The following TBC1D2B variants were observed in gnomAD, a reference collection of about 807,000 sequenced individuals.
TBC1D2B encodes the protein TBC1 domain family member 2B.
In TBC1D2B, 64 loss-of-function variants were observed where a neutral mutation model predicts 100.8. That is an observed-to-expected ratio of 0.64 (90% CI 0.52 to 0.78). TBC1D2B has a LOEUF of 0.78. Ranked by LOEUF, TBC1D2B falls within the 30% of genes least tolerant of loss-of-function variation. The probability of loss-of-function intolerance (pLI) is 0.00; values close to 1 mark genes in which losing one functional copy is unlikely to be tolerated. For missense variants in TBC1D2B, 1,052 were observed against 1,218.4 expected (o/e 0.86, Z 2.03); for synonymous variants, 480 against 479.7 (o/e 1.00, Z -0.01).
At chr15:78,054,215 T>C (rs936250941) in intron 1 of TBC1D2B, 28 bp from the exon 2 acceptor site, 1 of 1,604,354 alleles carries the variant, frequency 6.2e-7, no homozygotes, top group Non-Finnish European at 8.5e-7. Flanking sequence ...AAAAACATGT[T>C]ATGGCCACCA....
At chr15:78,044,837 T>C in intron 3 of TBC1D2B, 63 bp downstream of exon 3, 1 of 1,383,550 alleles carries the variant, frequency 7.2e-7, no homozygotes, top group Non-Finnish European at 9.8e-7. Flanking sequence ...TTTATAAAAT[T>C]ATAACATACA....
At chr15:77,999,891 C>T (rs554742903) in intron 12 of TBC1D2B, among the ~76,000 whole-genome samples, 1 of 152,294 alleles carries the variant, frequency 6.6e-6, no homozygotes, top group South Asian at 2.1e-4. Context: ...CGATGCTCAG[C>T]GCCTTAAAAG....
intron 1 of TBC1D2B, among the ~76,000 whole-genome samples, chr15:78,055,530 G>C (rs968719838): frequency 6.6e-6 from 1 of 152,168 alleles, no homozygotes; most frequent in Non-Finnish European, 1.5e-5. Context: ...AAGATCAGAG[G>C]CAGTGAAGAA....
At chr15:78,058,117 A>C (rs569494374) in intron 1 of TBC1D2B, among the ~76,000 whole-genome samples, 20 of 152,366 alleles carry the variant, frequency 1.3e-4, no homozygotes, top group African/African-American at 4.8e-4. Context: ...GATAGTATTA[A>C]AATTAATTTT....
Position 77,998,366 on chromosome 15 carries a change from G to A in TBC1D2B, c.2697-11C>T, listed in dbSNP as rs961498588. The A allele has an allele frequency of 1.2e-5, 18 of 1,558,554 alleles. No individual in the cohort carries two copies. The highest frequency in any genetic ancestry group is 3.9e-5 in the Admixed American group (2 of 51,606). ...ATACTGATCAGCTTCCTGGCAGGAC[G>A]CAGGGGAGAGACAAGAGAATCAGCG... On this transcript the variant is annotated splice_polypyrimidine_tract_variant and intron_variant, in intron 12 of 12. Coordinates refer to ENST00000300584, the MANE Select transcript of TBC1D2B (RefSeq NM_144572.2).
At chr15:78,076,128 GTGGGCCCC>G (rs1183949097) in intron 1 of TBC1D2B, among the ~76,000 whole-genome samples, 1 of 152,068 alleles carries the variant, frequency 6.6e-6, no homozygotes, top group Non-Finnish European at 1.5e-5. Flanking sequence ...CTCAAAGCAG[GTGGGCCCC>G]TAGGAGGTGA....
At chr15:78,018,034 C>T in intron 6 of TBC1D2B, 77 bp from the exon 7 acceptor site, 2 of 731,956 alleles carry the variant, frequency 2.7e-6, no homozygotes, top group Non-Finnish European at 4.4e-6. Flanking sequence ...TAGTCAGTAG[C>T]TTGCTGCTTC....
At chr15:78,007,379 T>C (rs2072095500) in intron 10 of TBC1D2B, among the ~76,000 whole-genome samples, 1 of 152,132 alleles carries the variant, frequency 6.6e-6, no homozygotes, top group Non-Finnish European at 1.5e-5. Flanking sequence ...GTGGCCCCAC[T>C]GTGGTGAAAG....
At chr15:78,042,258 C>G (rs2141762788) in intron 3 of TBC1D2B, among the ~76,000 whole-genome samples, 1 of 152,316 alleles carries the variant, frequency 6.6e-6, no homozygotes, top group South Asian at 2.1e-4. Context: ...CCACCTCATT[C>G]CATTATCTCA....
chr15:78,050,591 C>A (rs1384500695), intron 2 of TBC1D2B, among the ~76,000 whole-genome samples: 1 of 152,204 alleles, frequency 6.6e-6, no homozygotes, highest in Non-Finnish European at 1.5e-5. Flanking sequence ...TTTATAGACA[C>A]CTGATTGTAT....
At chr15:78,073,747 G>A (rs1177053111) in intron 1 of TBC1D2B, among the ~76,000 whole-genome samples, 1 of 152,066 alleles carries the variant, frequency 6.6e-6, no homozygotes. Context: ...AGAGGCAGGT[G>A]GATCACGAGG....
At chr15:78,015,162 C>T (rs1169825431) in intron 8 of TBC1D2B, among the ~76,000 whole-genome samples, 1 of 152,028 alleles carries the variant, frequency 6.6e-6, no homozygotes, top group African/African-American at 2.4e-5. Context: ...GATTGTGCCA[C>T]TGTACTCCAG....
chr15:78,061,278 T>C (rs2073539168), intron 1 of TBC1D2B, among the ~76,000 whole-genome samples: 2 of 150,288 alleles, frequency 1.3e-5, no homozygotes, highest in African/African-American at 4.9e-5. Context: ...CTCTTAAAAA[T>C]ATAATAATAA....
chr15:78,063,931 A>G (rs2073602608), intron 1 of TBC1D2B, among the ~76,000 whole-genome samples: 1 of 151,924 alleles, frequency 6.6e-6, no homozygotes, highest in African/African-American at 2.4e-5. Context: ...CCTCTGCAAC[A>G]GCTTCCTAAC....
At chr15:78,056,771 G>A (rs1235562897) in intron 1 of TBC1D2B, among the ~76,000 whole-genome samples, 2 of 147,624 alleles carry the variant, frequency 1.4e-5, no homozygotes, top group African/African-American at 2.6e-5. Flanking sequence ...AGGTCATACA[G>A]GGAGTCAATA....
intron 12 of TBC1D2B, chr15:77,999,384 C>A (rs866324508): frequency 6.9e-6 from 3 of 432,760 alleles, no homozygotes; most frequent in Non-Finnish European, 1.4e-5. Flanking sequence ...AAAACACCCA[C>A]TACTACCTGG....
At chr15:78,039,751 TACACACAC>T (rs3972618) in intron 3 of TBC1D2B, among the ~76,000 whole-genome samples, 5,785 of 148,076 alleles carry the variant, frequency 0.039, 165 homozygotes, top group Middle Eastern at 0.088. Flanking sequence ...AGAGGCTTAC[TACACACAC>T]ACACACACAC....
chr15:78,026,841 C>A (rs2072681721), intron 4 of TBC1D2B, among the ~76,000 whole-genome samples: 1 of 149,474 alleles, frequency 6.7e-6, no homozygotes, highest in Non-Finnish European at 1.5e-5. Flanking sequence ...GCAAAGTTTG[C>A]AGTGAGCCAA....
rs764739444 is a variant in TBC1D2B, at chr15:78,030,078, G to T, written c.776C>A (p.Pro259Gln). ...YTNEEWELLDPTPKDLEESIV... is the reference protein window; with the variant it reads ...YTNEEWELLDQTPKDLEESIV... ...GGACTCCTCTAGGTCCTTAGGGGTT[G>T]GGTCTAAAAGTTCCCACTCTTCATT... Residue 259 changes from proline (P) to glutamine (Q), a missense_variant, in exon 4 of 13, where the codon CCA (proline) becomes CAA (glutamine). This residue lies in a region of TBC1D2B where 627 missense variants were observed against 646.1 expected (regional missense o/e 0.97). Coordinates refer to ENST00000300584, the MANE Select transcript of TBC1D2B (RefSeq NM_144572.2). 3.1e-6 allele frequency: 5 copies of T among 1,613,754 alleles called. No homozygotes were observed. The South Asian group carries it at 5.5e-5, about 18-fold the overall frequency.
Sources: allele counts gnomAD v4.1 joint callset (sites outside exome capture counted in the v4.1 genomes callset), GRCh38; gene constraint gnomAD v4.1.1; regional missense constraint gnomAD v4.1.1; transcripts MANE v1.5; gene names NCBI Gene and HGNC (gene_info 2026-07-23, HGNC 2026-07-21).